The following ACAD9 variants were observed in gnomAD, a reference collection of about 807,000 sequenced individuals.
ACAD9 encodes the protein complex I assembly factor ACAD9, mitochondrial.
A neutral mutation model predicts 70.2 loss-of-function variants in ACAD9; 53 were observed. The observed-to-expected ratio is 0.75, with a 90% CI of 0.61 to 0.95. ACAD9 has a LOEUF of 0.95. ACAD9 is among the 40% of genes least tolerant of loss of function. The pLI is 0.00. For synonymous variants in ACAD9, 313 were observed against 312.1 expected, an observed-to-expected ratio of 1.00 and a Z score of -0.03; for missense variants, 777 against 802.8, an observed-to-expected ratio of 0.97 and a Z score of 0.39.
At chr3:128,903,108 A>G (rs1042266668) in intron 9 of ACAD9, among the ~76,000 whole-genome samples, 9 of 152,032 alleles carry the variant, frequency 5.9e-5, no homozygotes, top group Non-Finnish European at 1.3e-4. Flanking sequence ...CCTTTGTTCT[A>G]TTCTGTCAGA....
rs1442758651 is a variant in ACAD9, at chr3:128,904,399, T to G, written c.1043T>G (p.Leu348Arg). 6 of 1,614,138 alleles carry G rather than the reference T, an allele frequency of 3.7e-6. No homozygotes were observed. Among genetic ancestry groups the G allele is most frequent in the Non-Finnish European group, 5.1e-6 (6 of 1,180,060 alleles). The change falls in exon 11 of 18, where the codon CTG becomes CGG. Residue 348 changes from leucine (L) to arginine (R), a missense_variant. Transcript: ENST00000308982. ...EFGLIQEKFALMAQKAYVMES... is the reference protein window; with the variant it reads ...EFGLIQEKFARMAQKAYVMES... ...TGAACACTCCAGGAGAAATTTGCACTGATGGCTCAGAAGGCTTACGTCATG... is the reference window on the plus strand; with the variant it reads ...TGAACACTCCAGGAGAAATTTGCACGGATGGCTCAGAAGGCTTACGTCATG...
intron 1 of ACAD9, among the ~76,000 whole-genome samples, chr3:128,881,802 C>G (rs1424076518): frequency 6.6e-6 from 1 of 152,230 alleles, no homozygotes; most frequent in South Asian, 2.1e-4. Context: ...TGATACTTCT[C>G]TGTGTCCATT....
Position 128,909,337 on chromosome 3 carries a change from T to C in ACAD9, c.1486-7T>C, listed in dbSNP as rs1429867494. 7.4e-6 allele frequency: 12 copies of C among 1,613,972 alleles called. No homozygotes were observed. Among genetic ancestry groups the C allele is most frequent in the African/African-American group, 1.3e-5 (1 of 74,910 alleles). On this transcript the variant is annotated splice_region_variant and splice_polypyrimidine_tract_variant and intron_variant, in intron 14 of 17. Transcript: ENST00000308982. Reference sequence around the variant, plus strand: ...GGTGCTGAACTGAGTCCTGTCTTGGTTAATAGGACAGTGCCAACAAGTTTG... The same window carrying C: ...GGTGCTGAACTGAGTCCTGTCTTGGCTAATAGGACAGTGCCAACAAGTTTG...
rs552862189 is a variant in ACAD9 at position 128,906,018 on chromosome 3, G to A, written c.1150-103G>A. On this transcript the variant is annotated intron_variant, in intron 11 of 17. Coordinates refer to ENST00000308982, the MANE Select transcript of ACAD9 (RefSeq NM_014049.5). ...TCACCCCTCAAGTTCCTCCCTGGCC[G>A]ATCTCCTCCCCAAGCCCGTGTGCCT... is the stretch of plus-strand genomic sequence containing the variant. 5.3e-5 allele frequency: 82 copies of A among 1,533,746 alleles called. No homozygotes were observed. The East Asian group carries it at 1.6e-3, about 30-fold the overall frequency.
chr3:128,910,294 G>A, intron 16 of ACAD9, 145 bp downstream of exon 16: 3 of 1,508,804 alleles, frequency 2.0e-6, no homozygotes, highest in Non-Finnish European at 2.7e-6. Flanking sequence ...GAGGGTCTGT[G>A]CTGCTCAGGA....
chr3:128,903,916 G>C, intron 9 of ACAD9, 146 bp from the exon 10 acceptor site: 6 of 797,968 alleles, frequency 7.5e-6, no homozygotes, highest in Non-Finnish European at 1.3e-5. Flanking sequence ...GGCAAGTGGG[G>C]GTGCCAGCTT....
At chr3:128,910,515 A>T (rs1936164837) in intron 16 of ACAD9, among the ~76,000 whole-genome samples, 1 of 152,166 alleles carries the variant, frequency 6.6e-6, no homozygotes, top group Non-Finnish European at 1.5e-5. Context: ...CAGGATTGTG[A>T]CATCTGCCTT....
At chr3:128,908,073 G>A in intron 12 of ACAD9, 112 bp from the exon 13 acceptor site, 1 of 996,054 alleles carries the variant, frequency 1.0e-6, no homozygotes, top group Non-Finnish European at 1.6e-6. Context: ...AGGAGCAGTG[G>A]CTTTTGTGGC....
chr3:128,910,456 A>C (rs1445432705), intron 16 of ACAD9: 1 of 951,250 alleles, frequency 1.1e-6, no homozygotes, highest in East Asian at 2.6e-5. Context: ...CTGAGGACCC[A>C]CTGTATACCA....
chr3:128,902,996 C>T lies in ACAD9; in HGVS notation c.958+368C>T, dbSNP rs1243387976. On this transcript the variant is annotated intron_variant, in intron 9 of 17. Coordinates refer to ENST00000308982, the MANE Select transcript of ACAD9 (RefSeq NM_014049.5). The surrounding 1 kb of genome is among the most constrained non-coding windows in gnomAD (Gnocchi z 4.0). The stretch of plus-strand genomic sequence containing the variant: ...CCAAGAACCAGGCTTCCAGGATACA[C>T]GGCCTCTGGTTCCCAAGGTCCGTGC... Among the ~76,000 whole-genome samples the T allele has an allele frequency of 6.6e-6, 1 of 152,138 alleles. No homozygotes were observed. Among genetic ancestry groups the T allele is most frequent in the African/African-American group, 2.4e-5 (1 of 41,428 alleles).
chr3:128,885,160 CAA>C (rs888006089), intron 2 of ACAD9, among the ~76,000 whole-genome samples: 2 of 152,116 alleles, frequency 1.3e-5, no homozygotes, highest in African/African-American at 4.8e-5. Flanking sequence ...TAATTGTAAA[CAA>C]AGAGTGATTT....
chr3:128,898,368 A>T, intron 6 of ACAD9: 1 of 441,482 alleles, frequency 2.3e-6, no homozygotes, highest in Non-Finnish European at 4.5e-6. Flanking sequence ...TTTAATAAAC[A>T]CAAAGCCGTA....
intron 17 of ACAD9, among the ~76,000 whole-genome samples, chr3:128,911,267 A>G (rs565778672): frequency 4.3e-4 from 66 of 152,258 alleles, no homozygotes; most frequent in African/African-American, 1.6e-3. Context: ...CATGTTAGCC[A>G]GGCTGGTCTC....
At chr3:128,881,415 C>G (rs377421068) in intron 1 of ACAD9, among the ~76,000 whole-genome samples, 33 of 152,340 alleles carry the variant, frequency 2.2e-4, no homozygotes, top group African/African-American at 7.2e-4. Context: ...ACAGTTACCC[C>G]CTCCCGCTGC....
intron 6 of ACAD9, among the ~76,000 whole-genome samples, chr3:128,898,717 A>G (rs897959897): frequency 4.6e-5 from 7 of 152,108 alleles, no homozygotes; most frequent in African/African-American, 7.2e-5. Flanking sequence ...TCTTACTTCT[A>G]TCAGCATTCA....
Position 128,902,610 on chromosome 3 carries a change from C to G in ACAD9, c.940C>G (p.Leu314Val). ...CAGCATGGGCAGCGTCGTGGCTGGG[C>G]TGCTCAAGAGATTGATTGGTAGGTA... ...RFSMGSVVAG[L>V]LKRLIEMTAE... Residue 314 changes from leucine to valine, a missense_variant, in exon 9 of 18, where the codon CTG becomes GTG. Physicochemically the swap from Leu to Val is conservative, Grantham distance 32 (BLOSUM62 1). Transcript: ENST00000308982. This position sits in a 1 kb window ranked among gnomAD's most constrained non-coding sequence, Gnocchi z 4.0. 6.2e-7 allele frequency: 1 copy of G among 1,614,174 alleles called. No individual in the cohort carries two copies. The highest frequency in any genetic ancestry group is 8.5e-7 in the Non-Finnish European group (1 of 1,180,014).
chr3:128,887,206 A>C (rs1008093915), intron 2 of ACAD9, among the ~76,000 whole-genome samples: 2 of 152,148 alleles, frequency 1.3e-5, no homozygotes, highest in African/African-American at 2.4e-5. Context: ...GGTGTCAGCC[A>C]CCGCACCTGT....
At chr3:128,910,623 T>C in intron 16 of ACAD9, 118 bp from the exon 17 acceptor site, 2 of 1,101,682 alleles carry the variant, frequency 1.8e-6, no homozygotes. Flanking sequence ...GTGACTCCTG[T>C]GCCAGGCCTT....
rs1219386038 is a variant in ACAD9 at position 128,902,560 on chromosome 3, T to C, written c.890T>C (p.Met297Thr). The C allele has an allele frequency of 6.2e-7, 1 of 1,614,180 alleles. No individual in the cohort carries two copies. Among genetic ancestry groups the C allele is most frequent in the Non-Finnish European group, 8.5e-7 (1 of 1,180,006 alleles). ...GEVGDGFKVA[M>T]NILNSGRFSM... The stretch of plus-strand genomic sequence containing the variant: ...TCCCTGTTCTCCCTGCAGGTGGCCA[T>C]GAACATCCTCAACAGCGGCCGGTTC... Residue 297 changes from methionine (M) to threonine (T), a missense_variant, in exon 9 of 18, where the codon ATG becomes ACG. Physicochemically the swap from Met to Thr is moderately conservative, Grantham distance 81. Transcript: ENST00000308982. This position sits in a 1 kb window ranked among gnomAD's most constrained non-coding sequence, Gnocchi z 4.0.
Sources: allele counts gnomAD v4.1 joint callset (sites outside exome capture counted in the v4.1 genomes callset), GRCh38; gene constraint gnomAD v4.1.1; non-coding constraint Gnocchi (gnomAD v3.1); transcripts MANE v1.5; gene names NCBI Gene and HGNC (gene_info 2026-07-23, HGNC 2026-07-21).